The following ARHGAP32 variants were observed in gnomAD, a reference collection of about 807,000 sequenced individuals.
ARHGAP32 encodes rho GTPase-activating protein 32.
Under a neutral mutation model 186.5 loss-of-function variants are expected in ARHGAP32, and 51 were observed. The observed-to-expected ratio is 0.27, with a 90% CI of 0.22 to 0.35. ARHGAP32 has a LOEUF of 0.35. ARHGAP32 is among the 10% of genes least tolerant of loss of function. The pLI, the probability that ARHGAP32 is intolerant of heterozygous loss-of-function variation, is 1.00. For missense variants in ARHGAP32, 2,186 were observed against 2,623.5 expected (o/e 0.83, Z 3.64); for synonymous variants, 950 against 964.3 (o/e 0.99, Z 0.27).
At chr11:129,249,453 T>C (rs1361220294) in intron 1 of ARHGAP32, among the ~76,000 whole-genome samples, 1 of 152,180 alleles carries the variant, frequency 6.6e-6, no homozygotes, top group Non-Finnish European at 1.5e-5. Context: ...GATTTTTTTA[T>C]TACCAGTAGA....
chr11:129,012,076 C>T (rs1017879625), intron 11 of ARHGAP32, among the ~76,000 whole-genome samples: 2 of 152,052 alleles, frequency 1.3e-5, no homozygotes, highest in East Asian at 1.9e-4. Context: ...ACTTCTGAAT[C>T]ATGTTAATGT....
At chr11:129,206,906 C>T (rs1251568038) in intron 1 of ARHGAP32, among the ~76,000 whole-genome samples, 1 of 152,008 alleles carries the variant, frequency 6.6e-6, no homozygotes, top group Non-Finnish European at 1.5e-5. Flanking sequence ...CCTCCCATAG[C>T]CCCTCACCCC....
chr11:129,202,303 C>T (rs1565467358), intron 1 of ARHGAP32, among the ~76,000 whole-genome samples: 1 of 152,102 alleles, frequency 6.6e-6, no homozygotes, highest in Non-Finnish European at 1.5e-5. Context: ...ATCCACTCTA[C>T]AGTTTCTTCT....
chr11:129,048,756 T>C (rs1285149916), intron 10 of ARHGAP32, among the ~76,000 whole-genome samples: 2 of 152,186 alleles, frequency 1.3e-5, no homozygotes, highest in Non-Finnish European at 2.9e-5. Flanking sequence ...CCAGTTGCCA[T>C]AATACAATAT....
At chr11:129,178,710 T>C (rs1943977979) in intron 1 of ARHGAP32, among the ~76,000 whole-genome samples, 2 of 152,266 alleles carry the variant, frequency 1.3e-5, no homozygotes, top group South Asian at 2.1e-4. Flanking sequence ...CCCTATTTAG[T>C]AAATGGTGCT....
chr11:128,974,531 T>C lies in ARHGAP32; in HGVS notation c.2666A>G (p.Asp889Gly). Reference sequence around the variant, plus strand: ...AAAGGAGGATGGCTTAGATGATTTATCTTCAGTTGGGCTCAAGTCCAGGGT... The same window carrying C: ...AAAGGAGGATGGCTTAGATGATTTACCTTCAGTTGGGCTCAAGTCCAGGGT... ...FFTLDLSPTE[D>G]KSSKPSSFTE... is the part of the protein sequence containing the mutation. The change falls in exon 21 of 23, where the codon GAT (aspartate) becomes GGT (glycine). Residue 889 changes from aspartate to glycine, a missense_variant. By Grantham distance (94) the Asp-to-Gly change is moderately conservative (BLOSUM62 -1). Around this residue, in one of 5 missense-constraint regions of ARHGAP32, gnomAD observed 1,502 missense variants for 1,570.0 expected, o/e 0.96. Transcript: ENST00000682385. 6.2e-7 allele frequency: 1 copy of C among 1,614,236 alleles called. No individual in the cohort carries two copies. Among genetic ancestry groups the C allele is most frequent in the Non-Finnish European group, 8.5e-7 (1 of 1,180,032 alleles).
At chr11:129,125,816 AT>A in intron 2 of ARHGAP32, 1 of 378,398 alleles carries the variant, frequency 2.6e-6, no homozygotes, top group South Asian at 2.0e-5. Flanking sequence ...TTCTTAGCAA[AT>A]TTAACTATTT....
At chr11:129,001,560 G>A (rs1371050748) in intron 11 of ARHGAP32, among the ~76,000 whole-genome samples, 1 of 152,112 alleles carries the variant, frequency 6.6e-6, no homozygotes, top group African/African-American at 2.4e-5. Context: ...CATTCTGTGG[G>A]TTGTCTTTTC....
chr11:129,083,602 C>T (rs866639440), intron 6 of ARHGAP32, among the ~76,000 whole-genome samples: 2 of 152,156 alleles, frequency 1.3e-5, no homozygotes, highest in South Asian at 4.1e-4. Flanking sequence ...AAAGACAACA[C>T]ATTGTGCACA....
intron 2 of ARHGAP32, among the ~76,000 whole-genome samples, chr11:129,145,660 A>G (rs576238706): frequency 6.6e-6 from 1 of 152,304 alleles, no homozygotes; most frequent in Non-Finnish European, 1.5e-5. Context: ...ATGATTAACA[A>G]TAGTCACATG....
At chr11:129,242,074 T>C (rs1945025861) in intron 1 of ARHGAP32, among the ~76,000 whole-genome samples, 1 of 152,224 alleles carries the variant, frequency 6.6e-6, no homozygotes, top group South Asian at 2.1e-4. Flanking sequence ...TTTAAAATTA[T>C]GTTTGCAACT....
At chr11:129,126,475 T>G (rs1942664263) in intron 2 of ARHGAP32, among the ~76,000 whole-genome samples, 1 of 152,230 alleles carries the variant, frequency 6.6e-6, no homozygotes, top group Non-Finnish European at 1.5e-5. Flanking sequence ...GACACCATCT[T>G]TCTAGTCTGC....
At chr11:129,261,748 T>A (rs1945322792) in intron 1 of ARHGAP32, among the ~76,000 whole-genome samples, 1 of 152,186 alleles carries the variant, frequency 6.6e-6, no homozygotes, top group Non-Finnish European at 1.5e-5. Context: ...GAAAAGGCAA[T>A]TTGTTCTGTT....
At chr11:129,038,360 G>C (rs1939441978) in intron 11 of ARHGAP32, among the ~76,000 whole-genome samples, 1 of 151,954 alleles carries the variant, frequency 6.6e-6, no homozygotes, top group South Asian at 2.1e-4. Context: ...ATCTAAAACT[G>C]TAAACCTCTC....
At chr11:129,183,692 G>A (rs966901941) in intron 1 of ARHGAP32, among the ~76,000 whole-genome samples, 2 of 152,012 alleles carry the variant, frequency 1.3e-5, no homozygotes, top group Non-Finnish European at 2.9e-5. Flanking sequence ...TCCTGATGTG[G>A]TAAACTATTT....
rs748953072 is a variant in ARHGAP32 at position 128,971,045 on chromosome 11, T to C, written c.4168A>G (p.Thr1390Ala). 2.0e-5 allele frequency: 33 copies of C among 1,613,938 alleles called. No individual in the cohort carries two copies. The highest frequency in any genetic ancestry group is 2.7e-5 in the Non-Finnish European group (32 of 1,180,014). The stretch of plus-strand genomic sequence containing the variant: ...TCAGGCAGGCCTGGCTGGACAGCTG[T>C]AGCCATGGGACACTGAGCAGCAGCA... ...GAAAAQCPMA[T>A]AVQPGLPEKV... Residue 1390 changes from threonine (T) to alanine (A), a missense_variant, in exon 23 of 23, where the codon ACA (threonine) becomes GCA (alanine). Coordinates refer to ENST00000682385, the MANE Select transcript of ARHGAP32 (RefSeq NM_001378024.1).
chr11:129,263,061 G>A (rs575101744), intron 1 of ARHGAP32, among the ~76,000 whole-genome samples: 1 of 152,090 alleles, frequency 6.6e-6, no homozygotes, highest in Non-Finnish European at 1.5e-5. Context: ...AATGAAATTA[G>A]AGTCTTACCT....
chr11:129,258,558 C>T (rs1168321388), intron 1 of ARHGAP32, among the ~76,000 whole-genome samples: 2 of 152,148 alleles, frequency 1.3e-5, no homozygotes, highest in Admixed American at 1.3e-4. Context: ...GTCCCCTTCA[C>T]CCCAAATCTC....
At chr11:129,092,741 T>C (rs891631671) in intron 6 of ARHGAP32, among the ~76,000 whole-genome samples, 17 of 151,984 alleles carry the variant, frequency 1.1e-4, no homozygotes, top group African/African-American at 1.9e-4. Flanking sequence ...GATGAAAGCA[T>C]TGGACTTTTT....
Sources: allele counts gnomAD v4.1 joint callset (sites outside exome capture counted in the v4.1 genomes callset), GRCh38; gene constraint gnomAD v4.1.1; regional missense constraint gnomAD v4.1.1; transcripts MANE v1.5; gene names NCBI Gene and HGNC (gene_info 2026-07-23, HGNC 2026-07-21).